The following PTPN1 variants were observed in gnomAD, a reference collection of about 807,000 sequenced individuals.
The protein encoded by PTPN1 is tyrosine-protein phosphatase non-receptor type 1.
PTPN1 carries 12 observed loss-of-function variants against 59.9 expected under a neutral mutation model. The observed-to-expected ratio is 0.20, with a 90% confidence interval of 0.13 to 0.32. PTPN1 has a LOEUF of 0.32. Among genes scored for constraint, PTPN1 ranks in the 10% least tolerant of loss-of-function variants. The probability of loss-of-function intolerance (pLI) is 1.00; values close to 1 mark genes in which losing one functional copy is unlikely to be tolerated. For synonymous variants in PTPN1, 178 were observed against 203.6 expected (o/e 0.87, Z 1.07); for missense variants, 356 against 549.2 (o/e 0.65, Z 3.52).
At chr20:50,528,337 A>G (rs2082586116) in intron 1 of PTPN1, among the ~76,000 whole-genome samples, 1 of 152,136 alleles carries the variant, frequency 6.6e-6, no homozygotes, top group South Asian at 2.1e-4. Context: ...CAAGTAATCT[A>G]TCAAGTCTTA....
Position 50,555,847 on chromosome 20 carries a change from C to T in PTPN1, c.64-5516C>T, listed in dbSNP as rs558390995. Among the ~76,000 whole-genome samples, 34 of 151,954 alleles carry T rather than the reference C, an allele frequency of 2.2e-4. No individual in the cohort carries two copies. In the South Asian group the frequency reaches 6.4e-3, roughly 29 times the overall value. On this transcript the variant is annotated intron_variant, in intron 1 of 9. Coordinates refer to ENST00000371621, the MANE Select transcript of PTPN1 (RefSeq NM_002827.4). ...CTGTTATTTCGGCCCTTATTTGCTC[C>T]GGGTAAATATTCGTTAGCTGAGTGG...
intron 1 of PTPN1, among the ~76,000 whole-genome samples, chr20:50,558,899 T>A (rs993022777): frequency 6.6e-6 from 1 of 152,086 alleles, no homozygotes; most frequent in Non-Finnish European, 1.5e-5. Context: ...TCCTCTCCCA[T>A]CCCCCATGTA....
At chr20:50,545,592 G>A (rs1245234960) in intron 1 of PTPN1, among the ~76,000 whole-genome samples, 5 of 152,190 alleles carry the variant, frequency 3.3e-5, no homozygotes, top group South Asian at 2.1e-4. Context: ...GTGGTTTTAC[G>A]TGTACAGCCT....
chr20:50,541,674 G>T lies in PTPN1; in HGVS notation c.64-19689G>T, dbSNP rs150505954. ...AAGAACCTGCAGAGTGACACAAGCAGCAGGCTTCTGAGGTTGCTCTAGCCT... is the reference window on the plus strand; with the variant it reads ...AAGAACCTGCAGAGTGACACAAGCATCAGGCTTCTGAGGTTGCTCTAGCCT... On this transcript the variant is annotated intron_variant, in intron 1 of 9. Transcript: ENST00000371621. Among the ~76,000 whole-genome samples, 826 of 152,278 alleles carry T rather than the reference G, an allele frequency of 5.4e-3. 10 individuals are homozygous for T. Among genetic ancestry groups the T allele is most frequent in the African/African-American group, 0.019 (800 of 41,552 alleles).
At chr20:50,523,819 G>C (rs2082561600) in intron 1 of PTPN1, among the ~76,000 whole-genome samples, 1 of 152,172 alleles carries the variant, frequency 6.6e-6, no homozygotes, top group Non-Finnish European at 1.5e-5. Flanking sequence ...AACAAATAAA[G>C]GATAGTGTAT....
intron 1 of PTPN1, among the ~76,000 whole-genome samples, chr20:50,550,493 C>T (rs2082697615): frequency 6.6e-6 from 1 of 152,188 alleles, no homozygotes; most frequent in African/African-American, 2.4e-5. Context: ...CTGTGTGGGT[C>T]AACTGCAAAT....
At chr20:50,556,492 T>C (rs930051157) in intron 1 of PTPN1, among the ~76,000 whole-genome samples, 1 of 151,984 alleles carries the variant, frequency 6.6e-6, no homozygotes, top group Non-Finnish European at 1.5e-5. Flanking sequence ...TCGAGCTCCA[T>C]CATTCTGTTA....
intron 1 of PTPN1, among the ~76,000 whole-genome samples, chr20:50,518,465 T>A (rs2082538193): frequency 6.6e-6 from 1 of 152,228 alleles, no homozygotes; most frequent in Non-Finnish European, 1.5e-5. Flanking sequence ...TTTCAAATAG[T>A]CAGGGCTTAG....
At chr20:50,511,642 T>C (rs1161150632) in intron 1 of PTPN1, among the ~76,000 whole-genome samples, 1 of 152,216 alleles carries the variant, frequency 6.6e-6, no homozygotes, top group African/African-American at 2.4e-5. Flanking sequence ...GTTTCTCATA[T>C]ATCTATAAAA....
chr20:50,532,476 T>C (rs2082605761), intron 1 of PTPN1, among the ~76,000 whole-genome samples: 2 of 152,170 alleles, frequency 1.3e-5, no homozygotes, highest in Admixed American at 6.5e-5. Flanking sequence ...GCTTGAAAAG[T>C]TGGAAAGTTG....
At chr20:50,536,961 A>G (rs1039846919) in intron 1 of PTPN1, among the ~76,000 whole-genome samples, 18 of 152,224 alleles carry the variant, frequency 1.2e-4, no homozygotes, top group Non-Finnish European at 2.2e-4. Flanking sequence ...ATTTTGATCT[A>G]TATTTTGCCA....
chr20:50,556,420 G>T (rs186226641), intron 1 of PTPN1, among the ~76,000 whole-genome samples: 40 of 151,988 alleles, frequency 2.6e-4, no homozygotes, highest in Admixed American at 9.2e-4. Context: ...TGAACTCCTG[G>T]GCTCAAACAA....
chr20:50,511,731 CG>C (rs1234849417), intron 1 of PTPN1, among the ~76,000 whole-genome samples: 1 of 152,150 alleles, frequency 6.6e-6, no homozygotes, highest in African/African-American at 2.4e-5. Context: ...AATGTCATTG[CG>C]GGGGTTGTTA....
intron 7 of PTPN1, 33 bp downstream of exon 7, chr20:50,579,362 A>G (rs761425510): frequency 6.3e-7 from 1 of 1,589,526 alleles, no homozygotes; most frequent in Admixed American, 1.8e-5. Flanking sequence ...TCCAGGTGTG[A>G]CCATTTTAAC....
chr20:50,527,014 A>G (rs1332227975), intron 1 of PTPN1, among the ~76,000 whole-genome samples: 1 of 151,948 alleles, frequency 6.6e-6, no homozygotes, highest in Non-Finnish European at 1.5e-5. Flanking sequence ...TTTCCACCTC[A>G]TTTCTCTCAC....
rs2082893771 is a variant in PTPN1, at chr20:50,585,099, C to G, written c.*2384C>G. 6.6e-6 allele frequency: 1 copy of G among 152,168 alleles called. No homozygotes were observed. The allele number at this position is 152,168 out of a possible 1,614,324, so 9.4% of individuals were successfully genotyped here. A position where few individuals can be genotyped will look rare whatever the true frequency, so the allele number is the denominator to read the frequency against. On this transcript the variant is annotated 3_prime_UTR_variant, in exon 10 of 10. Transcript: ENST00000371621. ...GAGTTGTAATCTCAAAACCATATCC[C>G]TTACCCAATTACCTGTAAGACACAA...
chr20:50,520,529 C>A (rs2082546576), intron 1 of PTPN1, among the ~76,000 whole-genome samples: 1 of 152,064 alleles, frequency 6.6e-6, no homozygotes, highest in Admixed American at 6.6e-5. Context: ...AGATTATGAC[C>A]ACGCCTGCAA....
At chr20:50,567,233 C>T (rs2082783346) in intron 3 of PTPN1, among the ~76,000 whole-genome samples, 1 of 152,138 alleles carries the variant, frequency 6.6e-6, no homozygotes, top group Non-Finnish European at 1.5e-5. Context: ...TCGAGGCCAG[C>T]CTGGCCAACA....
chr20:50,534,558 T>C (rs1355536551), intron 1 of PTPN1, among the ~76,000 whole-genome samples: 2 of 152,208 alleles, frequency 1.3e-5, no homozygotes, highest in African/African-American at 4.8e-5. Context: ...AATTTTTTTT[T>C]CTTTTGCTGT....
Sources: allele counts gnomAD v4.1 joint callset (sites outside exome capture counted in the v4.1 genomes callset), GRCh38; gene constraint gnomAD v4.1.1; transcripts MANE v1.5; gene names NCBI Gene and HGNC (gene_info 2026-07-23, HGNC 2026-07-21).